The following CASD1 variants were observed in gnomAD, a reference collection of about 807,000 sequenced individuals.
The protein encoded by CASD1 is CAS1 domain sialic acid O acetyltransferase 1, also known as N-acetylneuraminate (7)9-O-acetyltransferase.
A neutral mutation model predicts 100.0 loss-of-function variants in CASD1; 41 were observed. The ratio of observed to expected loss-of-function variants is 0.41; its 90% CI spans 0.32 to 0.53. The LOEUF (loss-of-function observed/expected upper bound fraction) is 0.53, where lower values mean the gene tolerates loss of function less well. CASD1 is among the 20% of genes least tolerant of loss of function. The probability of loss-of-function intolerance (pLI) is 0.25; values close to 1 mark genes in which losing one functional copy is unlikely to be tolerated. For missense variants in CASD1, 774 were observed against 948.7 expected, an observed-to-expected ratio of 0.82 and a Z score of 2.42; for synonymous variants, 321 against 315.6, an observed-to-expected ratio of 1.02 and a Z score of -0.18.
chr7:94,616,255 G>A, the CASD1 span, among the ~76,000 whole-genome samples: 6 of 152,092 alleles, frequency 3.9e-5, no homozygotes, highest in Non-Finnish European at 7.4e-5. Context: ...GTCATCTGCT[G>A]TTTAACTGAC....
the CASD1 span, chr7:94,586,746 C>T: frequency 1.9e-5 from 13 of 688,358 alleles, no homozygotes; most frequent in Non-Finnish European, 2.3e-5. Context: ...AGGTGATCCG[C>T]CTGCCTTGGC....
In CASD1 at chr7:94,545,628, G is replaced by C. The variant is rs750723781; in HGVS notation, c.1560G>C (p.Leu520Phe). Reference protein sequence around the residue: ...RPYQFYYFVPLVTVWFMVIYV... With the variant: ...RPYQFYYFVPFVTVWFMVIYV... ...ATCAATTCTATTACTTTGTCCCCTT[G>C]GTCACTGTATGGTTCATGGTCATAT... The change falls in exon 12 of 18, where the codon TTG becomes TTC. Residue 520 changes from leucine (L) to phenylalanine (F), a missense_variant. This residue lies in a region of CASD1 where 453 missense variants were observed against 532.6 expected (regional missense o/e 0.85). Transcript: ENST00000297273. 11 of 1,610,912 alleles carry C rather than the reference G, an allele frequency of 6.8e-6. No homozygotes were observed. Among genetic ancestry groups the C allele is most frequent in the East Asian group, 2.2e-5 (1 of 44,760 alleles).
At position 94,510,028 on chromosome 7, in the gene CASD1, C is replaced by A; in HGVS notation, c.-57C>A. On this transcript the variant is annotated 5_prime_UTR_variant, in exon 1 of 18. Transcript: ENST00000297273. ...GCAGCGGCGGCAGCCCCAGTGCTGC[C>A]CCTGTGCGGCGCCCCTTTCCCGCTC... 1 of 1,448,640 alleles carries A rather than the reference C, an allele frequency of 6.9e-7. No homozygotes were observed. Among genetic ancestry groups the A allele is most frequent in the Non-Finnish European group, 9.2e-7 (1 of 1,090,026 alleles). The allele number at this position is 1,448,640 out of a possible 1,614,324, so 89.7% of individuals were successfully genotyped here.
rs552234042 is a variant in CASD1 at position 94,553,297 on chromosome 7, A to T, written c.2034+870A>T. The T allele has an allele frequency of 5.5e-4, 93 of 167,952 alleles. 1 individual carries two copies. In the South Asian group the frequency reaches 0.012, roughly 21 times the overall value. The allele number at this position is 167,952 out of a possible 1,614,324, so 10.4% of individuals were successfully genotyped here. On this transcript the variant is annotated intron_variant, in intron 16 of 17. Coordinates refer to ENST00000297273, the MANE Select transcript of CASD1 (RefSeq NM_022900.5). ...AAGCTTATCTCTATTTGTTTAAATT[A>T]AAAAAAAGACCCACAAGATTAAGTG...
the CASD1 span, among the ~76,000 whole-genome samples, chr7:94,578,572 C>G: frequency 3.3e-5 from 5 of 152,250 alleles, no homozygotes; most frequent in South Asian, 2.1e-4. Context: ...ATTTGCCAGT[C>G]TCAGTAAAAT....
chr7:94,603,343 ATGT>A, the CASD1 span: 1 of 1,612,624 alleles, frequency 6.2e-7, no homozygotes, highest in Non-Finnish European at 8.5e-7. Context: ...TTTTTATCAC[ATGT>A]TATTACAGGC....
At chr7:94,592,003 G>A in the CASD1 span, among the ~76,000 whole-genome samples, 5 of 152,194 alleles carry the variant, frequency 3.3e-5, no homozygotes, top group Middle Eastern at 3.4e-3. Context: ...GCTTGTGTGC[G>A]CAAAAAGGTG....
At position 94,551,335 on chromosome 7, in the gene CASD1, C is replaced by T. The variant is rs769200923; in HGVS notation, c.1816-3C>T. On this transcript the variant is annotated splice_region_variant and splice_polypyrimidine_tract_variant and intron_variant, in intron 14 of 17. Transcript: ENST00000297273. ...AAACAAATTTTCTCTCTTTACTTTTCAGGTAGTTTTCCACGGAATGCTGTT... is the reference window on the plus strand; with the variant it reads ...AAACAAATTTTCTCTCTTTACTTTTTAGGTAGTTTTCCACGGAATGCTGTT... The T allele has an allele frequency of 2.6e-6, 4 of 1,534,006 alleles. No homozygotes were observed. In the East Asian group the frequency reaches 7.6e-5, roughly 29 times the overall value.
the CASD1 span, chr7:94,600,889 T>C: frequency 3.3e-6 from 5 of 1,522,590 alleles, no homozygotes; most frequent in South Asian, 4.6e-5. Context: ...ACACAACAAA[T>C]TAATCGTTGC....
intron 2 of CASD1, 120 bp downstream of exon 2, chr7:94,517,776 G>A: frequency 3.4e-6 from 2 of 595,856 alleles, no homozygotes; most frequent in Non-Finnish European, 5.8e-6. Context: ...CTGACTGAGT[G>A]TAGGGCTGAT....
the CASD1 span, among the ~76,000 whole-genome samples, chr7:94,563,076 A>C: frequency 6.6e-6 from 1 of 152,170 alleles, no homozygotes; most frequent in Admixed American, 6.6e-5. Context: ...CCTTTGTAGA[A>C]ACAGCAGTAT....
chr7:94,571,458 C>G, the CASD1 span, among the ~76,000 whole-genome samples: 1 of 152,028 alleles, frequency 6.6e-6, no homozygotes, highest in East Asian at 1.9e-4. Context: ...GGAGCTTGAT[C>G]CAGAAAACCT....
At chr7:94,603,595 A>G in the CASD1 span, 44 of 724,128 alleles carry the variant, frequency 6.1e-5, no homozygotes, top group African/African-American at 6.3e-4. Flanking sequence ...GGCTCTAAAA[A>G]CAATGATTCA....
chr7:94,554,429 A>G, intron 16 of CASD1, 54 bp from the exon 17 acceptor site: 1 of 1,196,686 alleles, frequency 8.4e-7, no homozygotes. Flanking sequence ...GCTTTATACA[A>G]AATACTTTTC....
rs1793607905 is a variant in CASD1, at chr7:94,510,032, G to A, written c.-53G>A. On this transcript the variant is annotated 5_prime_UTR_variant, in exon 1 of 18. The change creates a new upstream start codon in the 5' untranslated region. Coordinates refer to ENST00000297273, the MANE Select transcript of CASD1 (RefSeq NM_022900.5). ...CGGCGGCAGCCCCAGTGCTGCCCCTGTGCGGCGCCCCTTTCCCGCTCCGCC... is the reference window on the plus strand; with the variant it reads ...CGGCGGCAGCCCCAGTGCTGCCCCTATGCGGCGCCCCTTTCCCGCTCCGCC... The A allele has an allele frequency of 6.9e-7, 1 of 1,457,356 alleles. No homozygotes were observed. The highest frequency in any genetic ancestry group is 9.1e-7 in the Non-Finnish European group (1 of 1,094,944). The allele number at this position is 1,457,356 out of a possible 1,614,324, so 90.3% of individuals were successfully genotyped here.
downstream of CASD1, among the ~76,000 whole-genome samples, chr7:94,560,205 G>T (rs1021276619): frequency 1.3e-5 from 2 of 152,176 alleles, no homozygotes; most frequent in African/African-American, 4.8e-5. Flanking sequence ...ACAGGTTTTT[G>T]AAGATAACTA....
At chr7:94,628,581 C>A in the CASD1 span, 1 of 521,242 alleles carries the variant, frequency 1.9e-6, no homozygotes, top group South Asian at 2.2e-5. Context: ...ACAAAGAAAG[C>A]AGATTCATAC....
the CASD1 span, among the ~76,000 whole-genome samples, chr7:94,614,107 CAAAAAAAAA>C: frequency 1.1e-5 from 1 of 94,964 alleles, no homozygotes; most frequent in African/African-American, 4.8e-5. Context: ...AAATTGAAAT[CAAAAAAAAA>C]AAAAAAAAAA....
intron 10 of CASD1, among the ~76,000 whole-genome samples, chr7:94,540,672 A>T (rs1795350343): frequency 1.3e-5 from 2 of 152,166 alleles, no homozygotes; most frequent in Admixed American, 1.3e-4. Flanking sequence ...GCAAGGAGAG[A>T]TGGAGATAGT....
Sources: allele counts gnomAD v4.1 joint callset (sites outside exome capture counted in the v4.1 genomes callset), GRCh38; gene constraint gnomAD v4.1.1; regional missense constraint gnomAD v4.1.1; transcripts MANE v1.5; gene names NCBI Gene and HGNC (gene_info 2026-07-23, HGNC 2026-07-21).